RNFT2: variants seen among roughly 807,000 people sequenced by gnomAD.
RNFT2 encodes the protein ring finger protein, transmembrane 2.
In RNFT2, 36 loss-of-function variants were observed where a neutral mutation model predicts 53.0. That is an observed-to-expected ratio of 0.68 (90% CI 0.52 to 0.90). The LOEUF (loss-of-function observed/expected upper bound fraction) is 0.90, where lower values mean the gene tolerates loss of function less well. Among genes scored for constraint, RNFT2 ranks in the 40% least tolerant of loss-of-function variants. The pLI is 0.00. For synonymous variants in RNFT2, 260 were observed against 253.2 expected (o/e 1.03, Z -0.26); for missense variants, 514 against 585.6 (o/e 0.88, Z 1.26).
intron 7 of RNFT2, among the ~76,000 whole-genome samples, chr12:116,806,137 T>G (rs1044798890): frequency 6.6e-6 from 1 of 152,092 alleles, no homozygotes; most frequent in East Asian, 1.9e-4. Flanking sequence ...TTTCAGCACT[T>G]TGGGAGGCCG....
At chr12:116,837,327 T>A (rs1877029639) in intron 10 of RNFT2, among the ~76,000 whole-genome samples, 1 of 151,626 alleles carries the variant, frequency 6.6e-6, no homozygotes, top group Non-Finnish European at 1.5e-5. Flanking sequence ...CATAAATAAC[T>A]GTGAAGCAAG....
intron 7 of RNFT2, among the ~76,000 whole-genome samples, chr12:116,822,707 TAGAA>T (rs111354284): frequency 0.04 from 6,058 of 151,964 alleles, 401 homozygotes; most frequent in African/African-American, 0.14. Context: ...AGAGGAGAGA[TAGAA>T]AGAGAACTGG....
At chr12:116,778,670 C>A (rs1382978154) in intron 6 of RNFT2, among the ~76,000 whole-genome samples, 4 of 152,122 alleles carry the variant, frequency 2.6e-5, no homozygotes, top group Non-Finnish European at 4.4e-5. Flanking sequence ...GCCAACATGG[C>A]GAAACCCTGT....
intron 3 of RNFT2, among the ~76,000 whole-genome samples, chr12:116,749,568 C>T (rs1052775328): frequency 6.6e-6 from 1 of 152,176 alleles, no homozygotes; most frequent in Non-Finnish European, 1.5e-5. Context: ...GCATGAGCCA[C>T]TGCATCAGCC....
intron 7 of RNFT2, among the ~76,000 whole-genome samples, chr12:116,826,844 A>G (rs1876364094): frequency 6.6e-6 from 1 of 152,210 alleles, no homozygotes. Flanking sequence ...GAGTCAAATT[A>G]TCTTCTCCCG....
At chr12:116,763,936 A>T (rs752286333) in intron 5 of RNFT2, among the ~76,000 whole-genome samples, 9 of 152,330 alleles carry the variant, frequency 5.9e-5, no homozygotes, top group Middle Eastern at 3.4e-3. Context: ...ACAATTTCAA[A>T]AATGTAGAAC....
chr12:116,846,009 A>G (rs1379958310), intron 10 of RNFT2, among the ~76,000 whole-genome samples: 3 of 152,056 alleles, frequency 2.0e-5, no homozygotes, highest in Non-Finnish European at 2.9e-5. Flanking sequence ...ACCTTCCTTG[A>G]CTACCCCTTG....
chr12:116,755,084 T>C (rs193276872), intron 5 of RNFT2, among the ~76,000 whole-genome samples: 3 of 152,350 alleles, frequency 2.0e-5, no homozygotes, highest in Admixed American at 2.0e-4. Flanking sequence ...AGAAGGGTTT[T>C]TCCAATGTTA....
At chr12:116,760,971 C>T (rs369741261) in intron 5 of RNFT2, among the ~76,000 whole-genome samples, 5 of 152,206 alleles carry the variant, frequency 3.3e-5, no homozygotes, top group African/African-American at 9.6e-5. Context: ...CTCCAACTCC[C>T]GGATTCAAGC....
At chr12:116,784,372 T>C (rs1201348627) in intron 7 of RNFT2, among the ~76,000 whole-genome samples, 2 of 152,216 alleles carry the variant, frequency 1.3e-5, no homozygotes, top group Admixed American at 1.3e-4. Flanking sequence ...TCATTTTGTG[T>C]ACCAGCTATT....
chr12:116,750,856 A>G (rs1186387893), intron 4 of RNFT2, among the ~76,000 whole-genome samples: 3 of 14,698 alleles, frequency 2.0e-4, no homozygotes, highest in African/African-American at 1.5e-3. Context: ...TATATAATAT[A>G]TATTATATAT....
intron 6 of RNFT2, among the ~76,000 whole-genome samples, chr12:116,775,374 C>T (rs1481484568): frequency 6.6e-6 from 1 of 151,808 alleles, no homozygotes; most frequent in Non-Finnish European, 1.5e-5. Context: ...CACCAACAAC[C>T]ATTATCTTGG....
intron 7 of RNFT2, among the ~76,000 whole-genome samples, chr12:116,811,575 C>T (rs1283438341): frequency 6.6e-6 from 1 of 152,170 alleles, no homozygotes; most frequent in East Asian, 1.9e-4. Flanking sequence ...GAGTTTTCGC[C>T]ATGTTGGCCA....
At position 116,851,962 on chromosome 12, in the gene RNFT2, A is replaced by T. The variant is rs1877950680; in HGVS notation, c.*2514A>T. The T allele has an allele frequency of 6.6e-7, 1 of 1,518,026 alleles. No homozygotes were observed. The highest frequency in any genetic ancestry group is 2.1e-5 in the Admixed American group (1 of 47,832). The allele number at this position is 1,518,026 out of a possible 1,614,324, so 94.0% of individuals were successfully genotyped here. On this transcript the variant is annotated 3_prime_UTR_variant, in exon 11 of 11. Transcript: ENST00000257575. ...TCTGGTAGCCTTCAGAGCAAACAGG[A>T]CAACCTATGTTATGGATGTTTCCAC...
At chr12:116,833,649 A>T in intron 7 of RNFT2, 143 bp from the exon 8 acceptor site, 1 of 781,342 alleles carries the variant, frequency 1.3e-6, no homozygotes, top group Non-Finnish European at 2.1e-6. Flanking sequence ...CCCCATTAGG[A>T]GCTGGCCTGA....
At chr12:116,826,570 A>G (rs1049827360) in intron 7 of RNFT2, among the ~76,000 whole-genome samples, 1 of 152,056 alleles carries the variant, frequency 6.6e-6, no homozygotes, top group Non-Finnish European at 1.5e-5. Flanking sequence ...TGGTGGTTTG[A>G]TCTCCTTTTC....
chr12:116,811,348 G>A (rs1875362671), intron 7 of RNFT2, among the ~76,000 whole-genome samples: 1 of 151,080 alleles, frequency 6.6e-6, no homozygotes, highest in South Asian at 2.1e-4. Context: ...GCAATCCCTG[G>A]CACATGTAAA....
At chr12:116,820,893 A>G (rs565397749) in intron 7 of RNFT2, among the ~76,000 whole-genome samples, 1 of 152,194 alleles carries the variant, frequency 6.6e-6, no homozygotes, top group East Asian at 1.9e-4. Context: ...GAAACTCATC[A>G]CTAAACTAGA....
chr12:116,799,595 G>A (rs962482589), intron 7 of RNFT2, among the ~76,000 whole-genome samples: 11 of 151,986 alleles, frequency 7.2e-5, no homozygotes, highest in Admixed American at 3.9e-4. Context: ...TTTTAACAGC[G>A]GTTGTGTGTA....
Sources: gnomAD v4.1 joint callset for allele counts (sites outside exome capture counted in the v4.1 genomes callset) on GRCh38, gnomAD v4.1.1 for gene constraint, MANE v1.5 for transcripts, NCBI Gene and HGNC (gene_info 2026-07-23, HGNC 2026-07-21) for gene names.